Variants in SYT13 observed in about 807,000 individuals in gnomAD.
SYT13 encodes synaptotagmin 13.
In SYT13, 21 loss-of-function variants were observed where a neutral mutation model predicts 38.6. The ratio of observed to expected loss-of-function variants is 0.54; its 90% CI spans 0.39 to 0.78. SYT13 has a LOEUF of 0.78. SYT13 is among the 30% of genes least tolerant of loss of function. The pLI, the probability that SYT13 is intolerant of heterozygous loss-of-function variation, is 0.00. For synonymous variants in SYT13, 241 were observed against 237.6 expected, an observed-to-expected ratio of 1.01 and a Z score of -0.13; for missense variants, 495 against 548.7, an observed-to-expected ratio of 0.90 and a Z score of 0.98.
chr11:45,263,213 C>T (rs1240326739), intron 1 of SYT13, among the ~76,000 whole-genome samples: 3 of 152,322 alleles, frequency 2.0e-5, no homozygotes, highest in Admixed American at 2.0e-4. Flanking sequence ...CACTACAGGC[C>T]AGGTCCTATG....
chr11:45,280,433 A>G (rs1328647619), intron 1 of SYT13, among the ~76,000 whole-genome samples: 4 of 152,228 alleles, frequency 2.6e-5, no homozygotes, highest in Non-Finnish European at 5.9e-5. Context: ...CAATAAAAAA[A>G]TACTGGCCTG....
intron 1 of SYT13, among the ~76,000 whole-genome samples, chr11:45,283,127 G>A (rs1460538938): frequency 6.6e-6 from 1 of 152,178 alleles, no homozygotes; most frequent in Non-Finnish European, 1.5e-5. Flanking sequence ...CAGCCTGTGT[G>A]ATGGAGTCAG....
chr11:45,283,502 G>A (rs574649231), intron 1 of SYT13, among the ~76,000 whole-genome samples: 2 of 152,246 alleles, frequency 1.3e-5, no homozygotes, highest in South Asian at 4.1e-4. Flanking sequence ...CTCTTTACTT[G>A]CTTTGAAATG....
intron 5 of SYT13, 75 bp downstream of exon 5, chr11:45,246,308 C>T: frequency 6.4e-7 from 1 of 1,573,414 alleles, no homozygotes; most frequent in Non-Finnish European, 8.6e-7. Context: ...ACCATTTCCT[C>T]CCAGGCACCA....
At chr11:45,285,051 A>T (rs1253754767) in intron 1 of SYT13, among the ~76,000 whole-genome samples, 2 of 152,146 alleles carry the variant, frequency 1.3e-5, no homozygotes, top group Non-Finnish European at 2.9e-5. Context: ...TACAGTCTAT[A>T]AGGGATCTAG....
intron 1 of SYT13, among the ~76,000 whole-genome samples, chr11:45,257,721 C>G (rs79582194): frequency 3.9e-5 from 6 of 152,142 alleles, no homozygotes; most frequent in African/African-American, 1.4e-4. Context: ...TGAAGGAGAC[C>G]GGACCTAGGT....
chr11:45,250,723 C>CT (rs1854663870), intron 4 of SYT13, among the ~76,000 whole-genome samples: 1 of 151,982 alleles, frequency 6.6e-6, no homozygotes. Flanking sequence ...ATTTTCTGAG[C>CT]CTGGGAAAGA....
At chr11:45,276,402 G>C (rs1855010496) in intron 1 of SYT13, among the ~76,000 whole-genome samples, 1 of 152,130 alleles carries the variant, frequency 6.6e-6, no homozygotes, top group African/African-American at 2.4e-5. Context: ...TGGACACAGA[G>C]AGAGGAACAT....
chr11:45,280,354 A>C, intron 1 of SYT13, among the ~76,000 whole-genome samples: 1 of 152,134 alleles, frequency 6.6e-6, no homozygotes, highest in East Asian at 1.9e-4. Context: ...GGGCCGAAGA[A>C]GCAATTTATT....
chr11:45,246,673 G>C (rs896966272), intron 4 of SYT13, among the ~76,000 whole-genome samples, 161 bp from the exon 5 acceptor site: 2 of 152,126 alleles, frequency 1.3e-5, no homozygotes, highest in African/African-American at 4.8e-5. Context: ...GCAGAAGAGA[G>C]CAAGGCACAG....
intron 1 of SYT13, among the ~76,000 whole-genome samples, chr11:45,284,777 C>G (rs922228072): frequency 1.2e-4 from 19 of 152,180 alleles, no homozygotes; most frequent in African/African-American, 4.6e-4. Context: ...ACTCCCAACA[C>G]CTGGCCAGTG....
chr11:45,261,071 C>G (rs1854809344), intron 1 of SYT13, among the ~76,000 whole-genome samples: 1 of 152,240 alleles, frequency 6.6e-6, no homozygotes, highest in Admixed American at 6.5e-5. Context: ...TAAATAGACA[C>G]TTCTCCAAAG....
At position 45,246,453 on chromosome 11, in the gene SYT13, G is replaced by A. The variant is rs779255449; in HGVS notation, c.906C>T (p.Asn302=). ...LLSISYLPAA[N]RLLVVLIKAK... ...CTTTAATCAGCACCACCAGGAGGCGGTTGGCAGCCGGGAGGTAGCTGATGG... is the reference window on the plus strand; with the variant it reads ...CTTTAATCAGCACCACCAGGAGGCGATTGGCAGCCGGGAGGTAGCTGATGG... The change falls in exon 5 of 6, where the codon AAC becomes AAT. Residue 302 remains asparagine, a synonymous_variant. Transcript: ENST00000020926. 4 of 1,614,174 alleles carry A rather than the reference G, an allele frequency of 2.5e-6. No individual in the cohort carries two copies. Among genetic ancestry groups the A allele is most frequent in the Non-Finnish European group, 3.4e-6 (4 of 1,180,026 alleles).
intron 5 of SYT13, among the ~76,000 whole-genome samples, chr11:45,244,685 C>G (rs1375288233): frequency 6.6e-6 from 1 of 152,158 alleles, no homozygotes; most frequent in Non-Finnish European, 1.5e-5. Context: ...CCCACTAGGC[C>G]ATGCATTCAT....
chr11:45,266,881 T>A (rs757693564), intron 1 of SYT13, among the ~76,000 whole-genome samples: 1 of 152,210 alleles, frequency 6.6e-6, no homozygotes, highest in Non-Finnish European at 1.5e-5. Flanking sequence ...CAGTCACTTA[T>A]TAACAGACTT....
rs1472320532 is a variant in SYT13, at chr11:45,252,175, CAG to C, written c.846+244_846+245del. Reference sequence around the variant, plus strand: ...CACAGCATGGCATTTTCCATGACGGCAGAGAGAGTCTTTGCATGGCAAGTTAG... The same window carrying C: ...CACAGCATGGCATTTTCCATGACGGCAGAGAGTCTTTGCATGGCAAGTTAG... On this transcript the variant is annotated intron_variant, in intron 4 of 5. Transcript: ENST00000020926. This position sits in a 1 kb window ranked among gnomAD's most constrained non-coding sequence, Gnocchi z 4.3. 6.6e-6 allele frequency among the ~76,000 whole-genome samples: 1 copy of C among 152,162 alleles called. No individual in the cohort carries two copies. The highest frequency in any genetic ancestry group is 1.5e-5 in the Non-Finnish European group (1 of 68,032).
At chr11:45,259,836 A>G (rs1476385044) in intron 1 of SYT13, among the ~76,000 whole-genome samples, 1 of 152,218 alleles carries the variant, frequency 6.6e-6, no homozygotes, top group African/African-American at 2.4e-5. Context: ...TTGTGACTGC[A>G]AGGTGAGTCA....
chr11:45,255,814 T>G lies in SYT13; in HGVS notation c.261A>C (p.Pro87=). ...TGATGACCTCTGGAGCCGTCACAGC[T>G]GGCCTGGGTCCATAGATGTCTGGGA... ...LKFPDIYGPR[P]AVTAPEVINY... is the part of the protein sequence containing the mutation. The change falls in exon 2 of 6, where the codon CCA becomes CCC. Residue 87 remains proline (P), a synonymous_variant. Coordinates refer to ENST00000020926, the MANE Select transcript of SYT13 (RefSeq NM_020826.3). 6.2e-7 allele frequency: 1 copy of G among 1,614,190 alleles called. No homozygotes were observed. The highest frequency in any genetic ancestry group is 8.5e-7 in the Non-Finnish European group (1 of 1,180,052).
intron 1 of SYT13, among the ~76,000 whole-genome samples, chr11:45,270,390 T>G (rs998158564): frequency 1.3e-5 from 2 of 152,232 alleles, no homozygotes; most frequent in Non-Finnish European, 2.9e-5. Context: ...AAAGTTTGTT[T>G]TTATGTCAGT....
Sources: allele counts gnomAD v4.1 joint callset (sites outside exome capture counted in the v4.1 genomes callset), GRCh38; gene constraint gnomAD v4.1.1; non-coding constraint Gnocchi (gnomAD v3.1); transcripts MANE v1.5; gene names NCBI Gene and HGNC (gene_info 2026-07-23, HGNC 2026-07-21).